NELL2: variants seen among roughly 807,000 people sequenced by gnomAD.
The protein encoded by NELL2 is protein kinase C-binding protein NELL2.
Under a neutral mutation model 109.6 loss-of-function variants are expected in NELL2, and 41 were observed. The ratio of observed to expected loss-of-function variants is 0.37; its 90% CI spans 0.29 to 0.49. NELL2 has a LOEUF of 0.49. Among genes scored for constraint, NELL2 ranks in the 20% least tolerant of loss-of-function variants. The pLI, the probability that NELL2 is intolerant of heterozygous loss-of-function variation, is 0.98. For missense variants in NELL2, 900 were observed against 1,008.3 expected (o/e 0.89, Z 1.45); for synonymous variants, 355 against 344.7 (o/e 1.03, Z -0.33).
chr12:44,843,835 A>G (rs1944296200), intron 2 of NELL2, among the ~76,000 whole-genome samples: 2 of 152,250 alleles, frequency 1.3e-5, no homozygotes, highest in African/African-American at 4.8e-5. Context: ...CAGCCTGGGC[A>G]ACGTGGTGAA....
intron 1 of NELL2, among the ~76,000 whole-genome samples, chr12:44,884,158 T>G (rs1474980006): frequency 6.6e-6 from 1 of 151,448 alleles, no homozygotes; most frequent in Non-Finnish European, 1.5e-5. Context: ...TAAACATGAA[T>G]CAAAAGAAAG....
At chr12:44,517,371 T>TTCTCTCTCTC (rs71093810) in intron 19 of NELL2, among the ~76,000 whole-genome samples, 2 of 102,438 alleles carry the variant, frequency 2.0e-5, no homozygotes, top group Non-Finnish European at 4.1e-5. Flanking sequence ...ACCAACTACT[T>TTCTCTCTCTC]TCTCTCTCTC....
intron 9 of NELL2, among the ~76,000 whole-genome samples, chr12:44,729,381 G>A (rs73285407): frequency 0.075 from 11,344 of 151,612 alleles, 1,368 homozygotes; most frequent in African/African-American, 0.25. Flanking sequence ...AATCAAAAGC[G>A]TGTCACACAC....
At chr12:44,678,825 T>A (rs1387740340) in intron 12 of NELL2, among the ~76,000 whole-genome samples, 1 of 152,048 alleles carries the variant, frequency 6.6e-6, no homozygotes, top group Non-Finnish European at 1.5e-5. Context: ...ATAGAGAAGT[T>A]ATCAGTGACC....
intron 15 of NELL2, among the ~76,000 whole-genome samples, chr12:44,583,533 A>G (rs943293446): frequency 2.6e-5 from 4 of 152,196 alleles, no homozygotes; most frequent in Admixed American, 2.6e-4. Context: ...TAAATAAAAG[A>G]AACTACAAAT....
chr12:44,523,041 T>C lies in NELL2; in HGVS notation c.1998+250A>G, dbSNP rs1313835222. On this transcript the variant is annotated intron_variant, in intron 17 of 19. Coordinates refer to ENST00000429094, the MANE Select transcript of NELL2 (RefSeq NM_001145108.2). ...TATATACTATAAAACTCCATTTATATGAGGCTCTAGAAAATACAAATTTAA... is the reference window on the plus strand; with the variant it reads ...TATATACTATAAAACTCCATTTATACGAGGCTCTAGAAAATACAAATTTAA... The C allele has an allele frequency of 5.9e-6, 3 of 508,760 alleles. No homozygotes were observed. In the East Asian group the frequency reaches 1.1e-4, roughly 18 times the overall value. 31.5% of individuals were successfully genotyped at this position (508,760 alleles called of 1,614,324 possible).
intron 13 of NELL2, among the ~76,000 whole-genome samples, chr12:44,659,080 G>A (rs1352829127): frequency 4.6e-5 from 7 of 151,958 alleles, no homozygotes; most frequent in Non-Finnish European, 1.0e-4. Flanking sequence ...TGACAGACCT[G>A]ACAAAAACAA....
chr12:44,802,542 C>CTTT (rs1378873832), intron 3 of NELL2, among the ~76,000 whole-genome samples: 1 of 151,962 alleles, frequency 6.6e-6, no homozygotes, highest in African/African-American at 2.4e-5. Flanking sequence ...GGTAGAAAAG[C>CTTT]CAGGCAAATC....
intron 9 of NELL2, 118 bp downstream of exon 9, chr12:44,774,628 AT>A: frequency 1.3e-6 from 1 of 777,860 alleles, no homozygotes; most frequent in South Asian, 1.6e-5. Flanking sequence ...TTCTTCCTTT[AT>A]TCCATCACTT....
At chr12:44,552,408 C>A (rs1239257589) in intron 15 of NELL2, among the ~76,000 whole-genome samples, 1 of 151,324 alleles carries the variant, frequency 6.6e-6, no homozygotes, top group Non-Finnish European at 1.5e-5. Flanking sequence ...AAAACCTTCA[C>A]ATATTTTCTT....
chr12:44,764,618 G>T (rs143458003), intron 9 of NELL2, among the ~76,000 whole-genome samples: 44 of 152,152 alleles, frequency 2.9e-4, no homozygotes, highest in Middle Eastern at 3.4e-3. Context: ...AATCATATGA[G>T]ACAATGTATA....
chr12:44,823,518 C>T (rs1943609383), intron 2 of NELL2, among the ~76,000 whole-genome samples: 1 of 152,182 alleles, frequency 6.6e-6, no homozygotes, highest in African/African-American at 2.4e-5. Flanking sequence ...CCTTATTTCA[C>T]TGAGCAGTTT....
intron 13 of NELL2, among the ~76,000 whole-genome samples, chr12:44,612,632 C>G (rs1945663395): frequency 6.6e-6 from 1 of 151,994 alleles, no homozygotes; most frequent in African/African-American, 2.4e-5. Flanking sequence ...GGGCAGCCCA[C>G]CTACCTTTGG....
chr12:44,665,646 G>A (rs1289367910), intron 12 of NELL2, 37 bp from the exon 13 acceptor site: 2 of 1,579,498 alleles, frequency 1.3e-6, no homozygotes, highest in Non-Finnish European at 1.7e-6. Flanking sequence ...TCAACAGTGG[G>A]CAATATTCTG....
At chr12:44,658,876 C>CAAAAAAAAAAAAAAAA (rs758903947) in intron 13 of NELL2, among the ~76,000 whole-genome samples, 1 of 97,616 alleles carries the variant, frequency 1.0e-5, no homozygotes, top group African/African-American at 4.2e-5. Flanking sequence ...GACTCTGTCT[C>CAAAAAAAAAAAAAAAA]CAAAAAAAAA....
chr12:44,518,578 A>T (rs1018537841), intron 19 of NELL2, among the ~76,000 whole-genome samples: 1 of 152,150 alleles, frequency 6.6e-6, no homozygotes, highest in Non-Finnish European at 1.5e-5. Context: ...AAACAGTCTG[A>T]GTTGTTTTCC....
intron 2 of NELL2, among the ~76,000 whole-genome samples, chr12:44,861,657 G>C (rs1456780055): frequency 2.0e-5 from 3 of 152,128 alleles, no homozygotes; most frequent in Non-Finnish European, 4.4e-5. Flanking sequence ...GCCCAAAGCT[G>C]GGTCTAAGGA....
chr12:44,752,485 C>A (rs1433598401), intron 9 of NELL2, among the ~76,000 whole-genome samples: 1 of 152,148 alleles, frequency 6.6e-6, no homozygotes, highest in Non-Finnish European at 1.5e-5. Context: ...GTTCACAAAG[C>A]TGAAAAGTGA....
At chr12:44,869,413 T>C (rs937641249) in intron 2 of NELL2, among the ~76,000 whole-genome samples, 9 of 152,210 alleles carry the variant, frequency 5.9e-5, no homozygotes, top group Non-Finnish European at 1.0e-4. Flanking sequence ...GGTAGCTTCA[T>C]AGAAAGATGT....
Sources: gnomAD v4.1 joint callset for allele counts (sites outside exome capture counted in the v4.1 genomes callset) on GRCh38, gnomAD v4.1.1 for gene constraint, MANE v1.5 for transcripts, NCBI Gene and HGNC (gene_info 2026-07-23, HGNC 2026-07-21) for gene names.